PDE7B: variants seen among roughly 807,000 people sequenced by gnomAD.
PDE7B encodes the protein 3',5'-cyclic-AMP phosphodiesterase 7B.
In PDE7B, 29 loss-of-function variants were observed where a neutral mutation model predicts 56.2. The observed-to-expected ratio is 0.52, with a 90% CI of 0.38 to 0.70. The LOEUF is 0.70. Among genes scored for constraint, PDE7B ranks in the 30% least tolerant of loss-of-function variants. The pLI is 0.00. For missense variants in PDE7B, 490 were observed against 565.0 expected (o/e 0.87, Z 1.35); for synonymous variants, 197 against 196.9 (o/e 1.00, Z 0.00).
At chr6:136,188,627 T>TG (rs1779176976) in intron 12 of PDE7B, among the ~76,000 whole-genome samples, 2 of 152,330 alleles carry the variant, frequency 1.3e-5, no homozygotes, top group African/African-American at 4.8e-5. Context: ...AGGACTCACG[T>TG]GGTTCAGCAC....
At chr6:135,957,152 G>A (rs1774811254) in intron 2 of PDE7B, among the ~76,000 whole-genome samples, 1 of 152,136 alleles carries the variant, frequency 6.6e-6, no homozygotes, top group South Asian at 2.1e-4. Context: ...AGGTGTGCCT[G>A]GGTCCGGCCA....
chr6:135,865,659 A>T (rs1281199434), intron 1 of PDE7B, among the ~76,000 whole-genome samples: 2 of 144,276 alleles, frequency 1.4e-5, no homozygotes, highest in Middle Eastern at 3.5e-3. Flanking sequence ...GTATGTGTGG[A>T]GAGAGAGAGA....
At chr6:136,181,167 G>A (rs534452856) in intron 10 of PDE7B, 60 bp from the exon 11 acceptor site, 3 of 1,211,802 alleles carry the variant, frequency 2.5e-6, no homozygotes, top group African/African-American at 3.0e-5. Context: ...TTGGCTTGGG[G>A]TGCTTTTGCA....
At chr6:136,055,265 G>A (rs1215626862) in intron 2 of PDE7B, among the ~76,000 whole-genome samples, 1 of 152,218 alleles carries the variant, frequency 6.6e-6, no homozygotes, top group African/African-American at 2.4e-5. Flanking sequence ...TGTGTGGGGA[G>A]TGAGAAGGGC....
chr6:136,031,695 C>T (rs930065754), intron 2 of PDE7B, among the ~76,000 whole-genome samples: 3 of 147,700 alleles, frequency 2.0e-5, no homozygotes, highest in African/African-American at 7.5e-5. Flanking sequence ...GCCGAGATCC[C>T]GCCACTGCAC....
intron 2 of PDE7B, among the ~76,000 whole-genome samples, chr6:136,052,061 G>T (rs62429941): frequency 6.6e-6 from 1 of 151,284 alleles, no homozygotes; most frequent in African/African-American, 2.4e-5. Flanking sequence ...AAAAAAAAAG[G>T]CTGAGGATAA....
At chr6:135,862,826 TCA>T (rs1445534534) in intron 1 of PDE7B, among the ~76,000 whole-genome samples, 1 of 151,904 alleles carries the variant, frequency 6.6e-6, no homozygotes, top group Non-Finnish European at 1.5e-5. Context: ...AATTTATTTT[TCA>T]CAGTTTCAGC....
chr6:136,112,109 A>G (rs1777760068), intron 3 of PDE7B, among the ~76,000 whole-genome samples: 1 of 152,174 alleles, frequency 6.6e-6, no homozygotes. Context: ...TATGCATTGA[A>G]TCACTGGAGC....
intron 12 of PDE7B, among the ~76,000 whole-genome samples, chr6:136,191,014 T>C (rs898428327): frequency 9.1e-5 from 10 of 109,376 alleles, no homozygotes; most frequent in Admixed American, 8.6e-4. Flanking sequence ...CAGCATACAC[T>C]TTTTTTTTTT....
intron 1 of PDE7B, among the ~76,000 whole-genome samples, chr6:135,895,148 G>C (rs1427643306): frequency 6.6e-6 from 1 of 151,986 alleles, no homozygotes; most frequent in Non-Finnish European, 1.5e-5. Flanking sequence ...AAAGGAGTTA[G>C]ATACAACTTT....
intron 2 of PDE7B, among the ~76,000 whole-genome samples, chr6:136,018,453 A>C (rs1011064705): frequency 2.0e-5 from 3 of 152,218 alleles, no homozygotes; most frequent in Non-Finnish European, 2.9e-5. Flanking sequence ...CCGATTCAAA[A>C]TGAGATCAAC....
In PDE7B at chr6:136,174,069, ATCTC is replaced by A. The variant is rs374145658; in HGVS notation, c.803+185_803+188del. Among the ~76,000 whole-genome samples, 270 of 152,236 alleles carry A rather than the reference ATCTC, an allele frequency of 1.8e-3. 4 individuals carry two copies. The highest frequency in any genetic ancestry group is 6.1e-3 in the African/African-American group (254 of 41,542). ...CAGTTACAGCAACCCAGAAACCAAA[ATCTC>A]TCTGTGTGCTTTGAAAGGGCCTTGC... On this transcript the variant is annotated intron_variant, in intron 9 of 12. Transcript: ENST00000308191.
At chr6:136,118,288 C>T (rs551919886) in intron 3 of PDE7B, among the ~76,000 whole-genome samples, 1 of 152,320 alleles carries the variant, frequency 6.6e-6, no homozygotes, top group South Asian at 2.1e-4. Context: ...ACTCCCACTA[C>T]ATCTCCCAGA....
intron 1 of PDE7B, among the ~76,000 whole-genome samples, chr6:135,945,529 T>A (rs928691635): frequency 6.6e-6 from 1 of 152,154 alleles, no homozygotes; most frequent in Non-Finnish European, 1.5e-5. Context: ...TTGATTTGAA[T>A]GTAACAGCAT....
rs10872449 is a variant in PDE7B, at chr6:135,928,794, G to T, written c.22-18670G>T. Among the ~76,000 whole-genome samples the T allele has an allele frequency of 2.0e-5, 3 of 151,448 alleles. No homozygotes were observed. The South Asian group carries it at 6.3e-4, about 32-fold the overall frequency. On this transcript the variant is annotated intron_variant, in intron 1 of 12. Transcript: ENST00000308191. Reference sequence around the variant, plus strand: ...ACAAAGATGGGAACAATAATAAACAGTGGGGACTGCTTGAAGTGGGAGGGT... The same window carrying T: ...ACAAAGATGGGAACAATAATAAACATTGGGGACTGCTTGAAGTGGGAGGGT...
intron 8 of PDE7B, 105 bp from the exon 9 acceptor site, chr6:136,173,692 T>C (rs1778930355): frequency 2.6e-6 from 2 of 774,844 alleles, no homozygotes; most frequent in African/African-American, 3.4e-5. Context: ...GGTCATCAAG[T>C]ACAAACTGGA....
intron 2 of PDE7B, among the ~76,000 whole-genome samples, chr6:135,995,765 A>C (rs537140691): frequency 3.7e-4 from 56 of 152,362 alleles, no homozygotes; most frequent in African/African-American, 1.3e-3. Flanking sequence ...TTTCACAACA[A>C]GACAATTTGA....
chr6:135,987,562 A>G (rs1295903030), intron 2 of PDE7B, among the ~76,000 whole-genome samples: 4 of 152,162 alleles, frequency 2.6e-5, no homozygotes, highest in South Asian at 2.1e-4. Context: ...GTTAAGTCGC[A>G]TAAGACAGAT....
Position 136,155,630 on chromosome 6 carries a change from G to T in PDE7B, c.583G>T (p.Ala195Ser). ...MHCYLKEPKL[A>S]SFLTPLDIML... ...TCCCAATTTGTTTTTTTAACAGCTT[G>T]CCAGCTTCCTCACGCCTCTGGACAT... The change falls in exon 8 of 13, where the codon GCC (alanine) becomes TCC (serine). Residue 195 changes from alanine (A) to serine (S), a missense_variant. Physicochemically the swap from Ala to Ser is moderately conservative, Grantham distance 99. Coordinates refer to ENST00000308191, the MANE Select transcript of PDE7B (RefSeq NM_018945.4). 4 of 1,600,640 alleles carry T rather than the reference G, an allele frequency of 2.5e-6. No homozygotes were observed. The highest frequency in any genetic ancestry group is 2.2e-5 in the South Asian group (2 of 89,318).
Sources: gnomAD v4.1 joint callset for allele counts (sites outside exome capture counted in the v4.1 genomes callset) on GRCh38, gnomAD v4.1.1 for gene constraint, MANE v1.5 for transcripts, NCBI Gene and HGNC (gene_info 2026-07-23, HGNC 2026-07-21) for gene names.